Variants in GATC observed in about 807,000 individuals in gnomAD.
GATC encodes the protein glutamyl-tRNA(Gln) amidotransferase subunit C, mitochondrial.
GATC carries 11 observed loss-of-function variants against 14.4 expected under a neutral mutation model. That is an observed-to-expected ratio of 0.77 (90% CI 0.48 to 1.27). GATC has a LOEUF of 1.27. Ranked by LOEUF, GATC falls within the 50% of genes most tolerant of loss-of-function variation. The pLI, the probability that GATC is intolerant of heterozygous loss-of-function variation, is 0.00. For synonymous variants in GATC, 76 were observed against 79.3 expected (o/e 0.96, Z 0.22); for missense variants, 204 against 183.0 (o/e 1.11, Z -0.66).
chr12:120,456,316 C>T (rs1878182794), intron 2 of GATC, among the ~76,000 whole-genome samples: 2 of 152,200 alleles, frequency 1.3e-5, no homozygotes, highest in African/African-American at 4.8e-5. Context: ...CTGGGAGATT[C>T]TTGAGCTGTT....
chr12:120,463,495 G>C lies in GATC; in HGVS notation c.*3536G>C, dbSNP rs2137049360. 1 of 153,050 alleles carries C rather than the reference G, an allele frequency of 6.5e-6. No individual in the cohort carries two copies. The highest frequency in any genetic ancestry group is 2.1e-4 in the South Asian group (1 of 4,832). The allele number at this position is 153,050 out of a possible 1,614,324, so 9.5% of individuals were successfully genotyped here. On this transcript the variant is annotated 3_prime_UTR_variant, in exon 4 of 4. Coordinates refer to ENST00000551765, the MANE Select transcript of GATC (RefSeq NM_176818.3). ...CAGAGAGGATGCTGCACTACTCTGG[G>C]AAAAAAGTGAAGTGACAGCTCAGCC...
At chr12:120,454,701 C>T (rs150164304) in intron 2 of GATC, among the ~76,000 whole-genome samples, 227 of 152,094 alleles carry the variant, frequency 1.5e-3, no homozygotes, top group African/African-American at 5.3e-3. Flanking sequence ...AGGCATGAGG[C>T]ACCGCGCCCG....
Position 120,461,039 on chromosome 12 carries a change from C to G in GATC, c.*1080C>G, listed in dbSNP as rs1471965849. The G allele has an allele frequency of 6.6e-6, 1 of 150,960 alleles. No homozygotes were observed. Among genetic ancestry groups the G allele is most frequent in the Non-Finnish European group, 1.5e-5 (1 of 67,920 alleles). 9.4% of individuals were successfully genotyped at this position (150,960 alleles called of 1,614,324 possible). A position where few individuals can be genotyped will look rare whatever the true frequency, so the allele number is the denominator to read the frequency against. ...GTGATAGAATCAGAGAGTTTTTCCT[C>G]TAACCAAACTGCCAAAGTTGGTTTT... On this transcript the variant is annotated 3_prime_UTR_variant, in exon 4 of 4. Transcript: ENST00000551765.
In GATC at chr12:120,461,621, G is replaced by A. The variant is rs532871032; in HGVS notation, c.*1662G>A. On this transcript the variant is annotated 3_prime_UTR_variant, in exon 4 of 4. Coordinates refer to ENST00000551765, the MANE Select transcript of GATC (RefSeq NM_176818.3). ...ACTCAGTGATTTTTTAAATTAGTGT[G>A]CCTATTTGGTGAAATCTGTGAACTT... The A allele has an allele frequency of 6.5e-6, 1 of 154,392 alleles. No individual in the cohort carries two copies. Among genetic ancestry groups the A allele is most frequent in the East Asian group, 1.9e-4 (1 of 5,236 alleles). 9.6% of individuals were successfully genotyped at this position (154,392 alleles called of 1,614,324 possible).
rs566072284 is a variant in GATC at position 120,448,756 on chromosome 12, T to C, written c.254+1927T>C. On this transcript the variant is annotated intron_variant, in intron 2 of 3. Coordinates refer to ENST00000551765, the MANE Select transcript of GATC (RefSeq NM_176818.3). Reference sequence around the variant, plus strand: ...CACCTTCCGGTTTCAAGTGATTCTCTTGCCTCAGCCTCCCGAGTAGCTGGG... The same window carrying C: ...CACCTTCCGGTTTCAAGTGATTCTCCTGCCTCAGCCTCCCGAGTAGCTGGG... 5.2e-5 allele frequency among the ~76,000 whole-genome samples: 7 copies of C among 135,464 alleles called. 1 individual carries two copies. Among genetic ancestry groups the C allele is most frequent in the African/African-American group, 1.7e-4 (6 of 35,618 alleles). 88.9% of individuals were successfully genotyped at this position (135,464 alleles called of 152,430 possible). A position where few individuals can be genotyped will look rare whatever the true frequency, so the allele number is the denominator to read the frequency against.
chr12:120,453,685 G>C (rs943944619), intron 2 of GATC, among the ~76,000 whole-genome samples: 15 of 151,978 alleles, frequency 9.9e-5, no homozygotes, highest in Non-Finnish European at 4.4e-5. Context: ...GGGTTCAGGA[G>C]CCTGTAATTA....
intron 2 of GATC, among the ~76,000 whole-genome samples, chr12:120,448,276 C>T (rs1169905413): frequency 6.6e-6 from 1 of 151,434 alleles, no homozygotes; most frequent in Non-Finnish European, 1.5e-5. Context: ...CATATGGTCT[C>T]AAACTCCTGG....
Position 120,462,395 on chromosome 12 carries a change from A to T in GATC, c.*2436A>T. 1 of 408,568 alleles carries T rather than the reference A, an allele frequency of 2.4e-6. No individual in the cohort carries two copies. Among genetic ancestry groups the T allele is most frequent in the East Asian group, 4.1e-5 (1 of 24,110 alleles). The allele number at this position is 408,568 out of a possible 1,614,324, so 25.3% of individuals were successfully genotyped here. On this transcript the variant is annotated 3_prime_UTR_variant, in exon 4 of 4. Coordinates refer to ENST00000551765, the MANE Select transcript of GATC (RefSeq NM_176818.3). ...TAAGTTATATCATTTGCCCAAGGTA[A>T]CACAATAAATGCCAATTTGACATGT...
rs921880364 is a variant in GATC, at chr12:120,461,716, C to T, written c.*1757C>T. 1 of 218,174 alleles carries T rather than the reference C, an allele frequency of 4.6e-6. No individual in the cohort carries two copies. The highest frequency in any genetic ancestry group is 8.9e-6 in the Non-Finnish European group (1 of 112,494). The allele number at this position is 218,174 out of a possible 1,614,324, so 13.5% of individuals were successfully genotyped here. ...TATTTCTAAACAGAATGGGCCGACT[C>T]AGTCACAGTAACTGTTGATCTCCAT... On this transcript the variant is annotated 3_prime_UTR_variant, in exon 4 of 4. Coordinates refer to ENST00000551765, the MANE Select transcript of GATC (RefSeq NM_176818.3).
Position 120,446,838 on chromosome 12 carries a change from G to A in GATC, c.254+9G>A. On this transcript the variant is annotated intron_variant, in intron 2 of 3. Coordinates refer to ENST00000551765, the MANE Select transcript of GATC (RefSeq NM_176818.3). ...TCGGTCCTGGAGGACAGGTAAACTC[G>A]CGGCTGCAGCCCCGAAGCCTTGACC... 6.3e-7 allele frequency: 1 copy of A among 1,585,124 alleles called. No homozygotes were observed. Among genetic ancestry groups the A allele is most frequent in the Non-Finnish European group, 8.6e-7 (1 of 1,161,478 alleles).
chr12:120,459,506 G>GA lies in GATC; in HGVS notation c.359-398dup, dbSNP rs1357151278. Among the ~76,000 whole-genome samples, 11 of 152,322 alleles carry GA rather than the reference G, an allele frequency of 7.2e-5. No homozygotes were observed. The South Asian group carries it at 2.3e-3, about 32-fold the overall frequency. ...TACATTACTTCCATATTTTCCATGA[G>GA]AAAGTAGTGATCAGTTAGCTCAGTA... On this transcript the variant is annotated intron_variant, in intron 3 of 3. Transcript: ENST00000551765.
intron 2 of GATC, among the ~76,000 whole-genome samples, chr12:120,451,247 C>T (rs1385428263): frequency 2.0e-5 from 3 of 150,576 alleles, no homozygotes; most frequent in South Asian, 4.2e-4. Flanking sequence ...GAGTTGAAGA[C>T]CAGCCTGGCC....
chr12:120,451,539 C>T (rs567054843), intron 2 of GATC, among the ~76,000 whole-genome samples: 2 of 151,866 alleles, frequency 1.3e-5, no homozygotes, highest in South Asian at 2.1e-4. Flanking sequence ...GCCAGGAGTT[C>T]GAGACCAGCC....
intron 2 of GATC, among the ~76,000 whole-genome samples, chr12:120,453,854 C>CA (rs869264391): frequency 7.0e-6 from 1 of 143,838 alleles, no homozygotes; most frequent in South Asian, 2.2e-4. Flanking sequence ...ACAACAACAA[C>CA]AAAAAACCAA....
chr12:120,446,814 C>A lies in GATC; in HGVS notation c.239C>A (p.Ser80Ter). 4.3e-6 allele frequency: 7 copies of A among 1,612,044 alleles called. No homozygotes were observed. The highest frequency in any genetic ancestry group is 5.9e-6 in the Non-Finnish European group (7 of 1,178,918). The change falls in exon 2 of 4, where the codon TCG becomes TAG. Residue 80 changes from serine (S) to a stop codon, truncating the protein, a stop_gained. Transcript: ENST00000551765. LOFTEE classifies it high-confidence loss of function. The stretch of plus-strand genomic sequence containing the variant: ...ACAGACGGGGTGGAGCCCATGGAAT[C>A]GGTCCTGGAGGACAGGTAAACTCGC... ...VDTDGVEPME[S>*]VLEDRCLYLR...
intron 2 of GATC, among the ~76,000 whole-genome samples, chr12:120,455,890 G>T (rs904092414): frequency 6.6e-6 from 1 of 151,978 alleles, no homozygotes; most frequent in Non-Finnish European, 1.5e-5. Flanking sequence ...GTTTCACCGT[G>T]TTAGCCAGGA....
At chr12:120,454,486 T>C (rs995500967) in intron 2 of GATC, among the ~76,000 whole-genome samples, 3 of 152,044 alleles carry the variant, frequency 2.0e-5, no homozygotes, top group African/African-American at 7.2e-5. Context: ...AGTAGCATGA[T>C]ATCCGCTCAC....
At chr12:120,447,005 C>A (rs563284692) in intron 2 of GATC, among the ~76,000 whole-genome samples, 176 bp downstream of exon 2, 1 of 152,046 alleles carries the variant, frequency 6.6e-6, no homozygotes, top group Non-Finnish European at 1.5e-5. Flanking sequence ...ATTACTGATG[C>A]TCTCGCTAGT....
intron 2 of GATC, among the ~76,000 whole-genome samples, chr12:120,451,316 C>A (rs1271514862): frequency 1.3e-5 from 2 of 148,936 alleles, no homozygotes; most frequent in African/African-American, 5.0e-5. Context: ...AGGTGGCAGG[C>A]GCCTGTAATC....
Sources: allele counts gnomAD v4.1 joint callset (sites outside exome capture counted in the v4.1 genomes callset), GRCh38; gene constraint gnomAD v4.1.1; transcripts MANE v1.5; gene names NCBI Gene and HGNC (gene_info 2026-07-23, HGNC 2026-07-21).